SCG3: variants seen among roughly 807,000 people sequenced by gnomAD.
The protein encoded by SCG3 is secretogranin-3.
Under a neutral mutation model 56.2 loss-of-function variants are expected in SCG3, and 38 were observed. The ratio of observed to expected loss-of-function variants is 0.68; its 90% CI spans 0.52 to 0.89. The LOEUF (loss-of-function observed/expected upper bound fraction) is 0.89, where lower values mean the gene tolerates loss of function less well. SCG3 is among the 40% of genes least tolerant of loss of function. SCG3 has a pLI of 0.00. For synonymous variants in SCG3, 176 were observed against 184.2 expected (o/e 0.96, Z 0.36); for missense variants, 524 against 540.7 (o/e 0.97, Z 0.31).
intron 10 of SCG3, 24 bp downstream of exon 10, chr15:51,701,268 T>C: frequency 6.5e-7 from 1 of 1,542,854 alleles, no homozygotes. Context: ...AGCTCTAGGT[T>C]AGCAATGAAA....
At chr15:51,703,765 C>T (rs2055352984) in intron 10 of SCG3, among the ~76,000 whole-genome samples, 1 of 152,152 alleles carries the variant, frequency 6.6e-6, no homozygotes, top group Non-Finnish European at 1.5e-5. Flanking sequence ...TTTTTTGAGA[C>T]AGGGCTGAAA....
intron 11 of SCG3, among the ~76,000 whole-genome samples, chr15:51,717,473 A>G (rs180832151): frequency 3.9e-5 from 6 of 152,048 alleles, no homozygotes; most frequent in East Asian, 3.9e-4. Flanking sequence ...GTCCAAGGCT[A>G]CAGTGAGCCA....
At chr15:51,697,384 T>G (rs551150549) in intron 8 of SCG3, among the ~76,000 whole-genome samples, 1 of 152,356 alleles carries the variant, frequency 6.6e-6, no homozygotes, top group East Asian at 1.9e-4. Context: ...AAGGCAGATA[T>G]TCCCACTATC....
At position 51,720,519 on chromosome 15, in the gene SCG3, G is replaced by T. The variant is rs1295590707; in HGVS notation, c.*993G>T. The stretch of plus-strand genomic sequence containing the variant: ...TAATGGTTAATGTTCCCAAACCAGA[G>T]AATGCTTTGAAAATGTATCATTCAG... On this transcript the variant is annotated 3_prime_UTR_variant, in exon 12 of 12. Coordinates refer to ENST00000220478, the MANE Select transcript of SCG3 (RefSeq NM_013243.4). The T allele has an allele frequency of 1.3e-5, 2 of 152,190 alleles. No individual in the cohort carries two copies. Among genetic ancestry groups the T allele is most frequent in the Non-Finnish European group, 2.9e-5 (2 of 68,048 alleles). 9.4% of individuals were successfully genotyped at this position (152,190 alleles called of 1,614,324 possible). A position where few individuals can be genotyped will look rare whatever the true frequency, so the allele number is the denominator to read the frequency against.
At chr15:51,709,713 T>A (rs1420554336) in intron 10 of SCG3, among the ~76,000 whole-genome samples, 6 of 41,866 alleles carry the variant, frequency 1.4e-4, no homozygotes, top group African/African-American at 2.8e-4. Context: ...TTTTTTTTTT[T>A]TTTTTTTTTT....
rs1374764690 is a variant in SCG3 at position 51,720,985 on chromosome 15, C to G, written c.*1459C>G. On this transcript the variant is annotated 3_prime_UTR_variant, in exon 12 of 12. Coordinates refer to ENST00000220478, the MANE Select transcript of SCG3 (RefSeq NM_013243.4). Reference sequence around the variant, plus strand: ...TTCAGGTCGCCTGCCGCTGTGGAAGCTTTGTCCTTTTGCTCTTCATAATAA... The same window carrying G: ...TTCAGGTCGCCTGCCGCTGTGGAAGGTTTGTCCTTTTGCTCTTCATAATAA... 1 of 154,852 alleles carries G rather than the reference C, an allele frequency of 6.5e-6. No individual in the cohort carries two copies. The highest frequency in any genetic ancestry group is 2.4e-5 in the African/African-American group (1 of 41,484). The allele number at this position is 154,852 out of a possible 1,614,324, so 9.6% of individuals were successfully genotyped here. A position where few individuals can be genotyped will look rare whatever the true frequency, so the allele number is the denominator to read the frequency against.
chr15:51,688,130 C>A (rs568295219), intron 4 of SCG3, 130 bp from the exon 5 acceptor site: 3 of 867,876 alleles, frequency 3.5e-6, no homozygotes, highest in South Asian at 3.7e-5. Flanking sequence ...TTCTGTGGAC[C>A]GAGAACCACC....
At position 51,713,426 on chromosome 15, in the gene SCG3, G is replaced by A; in HGVS notation, c.1288+13G>A. Reference sequence around the variant, plus strand: ...GGAAATAAAGAAGGTAGGACCAAGTGTGGTTGTACATTGCAAACTTCACCC... The same window carrying A: ...GGAAATAAAGAAGGTAGGACCAAGTATGGTTGTACATTGCAAACTTCACCC... On this transcript the variant is annotated intron_variant, in intron 11 of 11. Transcript: ENST00000220478. 1 of 1,547,024 alleles carries A rather than the reference G, an allele frequency of 6.5e-7. No individual in the cohort carries two copies. Among genetic ancestry groups the A allele is most frequent in the South Asian group, 1.2e-5 (1 of 85,140 alleles).
chr15:51,689,753 T>C (rs918483559), intron 6 of SCG3, among the ~76,000 whole-genome samples: 14 of 152,042 alleles, frequency 9.2e-5, no homozygotes, highest in African/African-American at 3.4e-4. Context: ...CACCACTGCA[T>C]ACCGGTCTGG....
At chr15:51,719,276 TGCC>T in intron 11 of SCG3, 129 bp from the exon 12 acceptor site, 2 of 658,126 alleles carry the variant, frequency 3.0e-6, no homozygotes, top group South Asian at 3.8e-5. Context: ...AGAATTAAAA[TGCC>T]TCCCGATGTG....
chr15:51,697,428 T>C (rs2055311075), intron 8 of SCG3, among the ~76,000 whole-genome samples: 1 of 152,222 alleles, frequency 6.6e-6, no homozygotes, highest in African/African-American at 2.4e-5. Flanking sequence ...TGGTAACCAC[T>C]AACCACAAGT....
At chr15:51,688,862 G>A (rs1345124296) in intron 5 of SCG3, among the ~76,000 whole-genome samples, 1 of 152,166 alleles carries the variant, frequency 6.6e-6, no homozygotes, top group African/African-American at 2.4e-5. Flanking sequence ...GCCCTGACCT[G>A]GCCCTGACAG....
At chr15:51,709,701 A>ATTTTTTTTTTTTT (rs869162420) in intron 10 of SCG3, among the ~76,000 whole-genome samples, 2 of 22,966 alleles carry the variant, frequency 8.7e-5, no homozygotes, top group Admixed American at 8.9e-4. Context: ...ATATATATAT[A>ATTTTTTTTTTTTT]TTTTTTTTTT....
chr15:51,712,442 T>G (rs1385778408), intron 10 of SCG3, among the ~76,000 whole-genome samples: 1 of 152,206 alleles, frequency 6.6e-6, no homozygotes, highest in African/African-American at 2.4e-5. Flanking sequence ...AGTGGCTGAT[T>G]TTTTTGATAT....
At position 51,689,206 on chromosome 15, in the gene SCG3, C is replaced by G; in HGVS notation, c.541-13C>G. 1 of 1,611,814 alleles carries G rather than the reference C, an allele frequency of 6.2e-7. No individual in the cohort carries two copies. Among genetic ancestry groups the G allele is most frequent in the Non-Finnish European group, 8.5e-7 (1 of 1,178,826 alleles). On this transcript the variant is annotated splice_polypyrimidine_tract_variant and intron_variant, in intron 5 of 11. Coordinates refer to ENST00000220478, the MANE Select transcript of SCG3 (RefSeq NM_013243.4). ...AATATAGCAGTTATATATGTTTTGC[C>G]TTTTTATGATAGATCACAGAAAGCC...
chr15:51,698,809 T>C (rs981146600), intron 8 of SCG3, among the ~76,000 whole-genome samples: 16 of 152,198 alleles, frequency 1.1e-4, no homozygotes, highest in African/African-American at 3.6e-4. Context: ...AGCCTCTTTC[T>C]ACCAGTGGTC....
chr15:51,699,796 G>A (rs973933252), intron 9 of SCG3, among the ~76,000 whole-genome samples: 3 of 151,704 alleles, frequency 2.0e-5, no homozygotes, highest in Admixed American at 6.6e-5. Flanking sequence ...CCCGCCTCCC[G>A]CTCTCCCCTC....
chr15:51,713,567 A>T (rs979954589), intron 11 of SCG3, among the ~76,000 whole-genome samples, 154 bp downstream of exon 11: 1 of 152,206 alleles, frequency 6.6e-6, no homozygotes, highest in African/African-American at 2.4e-5. Context: ...AGGGGAACAG[A>T]ACCTCCATTT....
At chr15:51,693,153 C>T (rs940959570) in intron 7 of SCG3, 2 of 152,132 alleles carry the variant, frequency 1.3e-5, no homozygotes, top group Admixed American at 6.5e-5. Context: ...TCTTTCTTTG[C>T]CTGCCTTTTT....
Sources: allele counts gnomAD v4.1 joint callset (sites outside exome capture counted in the v4.1 genomes callset), GRCh38; gene constraint gnomAD v4.1.1; transcripts MANE v1.5; gene names NCBI Gene and HGNC (gene_info 2026-07-23, HGNC 2026-07-21).